The following ADGRG6 variants were observed in gnomAD, a reference collection of about 807,000 sequenced individuals.
ADGRG6 encodes the protein adhesion G protein-coupled receptor G6, also known as G-protein coupled receptor 126.
Under a neutral mutation model 142.4 loss-of-function variants are expected in ADGRG6, and 84 were observed. The observed-to-expected ratio is 0.59, with a 90% CI of 0.49 to 0.71. The LOEUF (loss-of-function observed/expected upper bound fraction) is 0.71. ADGRG6 is among the 30% of genes least tolerant of loss of function. The pLI is 0.00. For synonymous variants in ADGRG6, 521 were observed against 520.5 expected, an observed-to-expected ratio of 1.00 and a Z score of -0.01; for missense variants, 1,367 against 1,466.6, an observed-to-expected ratio of 0.93 and a Z score of 1.11.
At chr6:142,386,160 T>A (rs994194300) in intron 6 of ADGRG6, among the ~76,000 whole-genome samples, 2 of 152,238 alleles carry the variant, frequency 1.3e-5, no homozygotes, top group African/African-American at 4.8e-5. Flanking sequence ...CCTGTTTTTC[T>A]GTGTGAAGTT....
intron 8 of ADGRG6, 62 bp from the exon 9 acceptor site, chr6:142,393,834 T>G (rs1775032008): frequency 9.6e-7 from 1 of 1,037,978 alleles, no homozygotes. Context: ...GGTCCCCAAA[T>G]TTTATTGTTG....
At chr6:142,407,699 T>C (rs1775877382) in intron 15 of ADGRG6, among the ~76,000 whole-genome samples, 1 of 152,208 alleles carries the variant, frequency 6.6e-6, no homozygotes, top group South Asian at 2.1e-4. Flanking sequence ...TTAGTAAACA[T>C]GTCAGGCTGT....
intron 2 of ADGRG6, among the ~76,000 whole-genome samples, chr6:142,330,081 AT>A (rs1044182504): frequency 6.6e-6 from 1 of 151,892 alleles, no homozygotes; most frequent in East Asian, 1.9e-4. Context: ...TGCCACTGCA[AT>A]TTTTTTTAAA....
chr6:142,334,647 A>G (rs1042488979), intron 2 of ADGRG6, among the ~76,000 whole-genome samples: 3 of 152,182 alleles, frequency 2.0e-5, no homozygotes, highest in Admixed American at 2.0e-4. Context: ...GAAGATTGGC[A>G]GGGTTGCAAT....
chr6:142,426,155 C>G (rs1427269350), intron 22 of ADGRG6, among the ~76,000 whole-genome samples: 1 of 152,160 alleles, frequency 6.6e-6, no homozygotes, highest in Non-Finnish European at 1.5e-5. Context: ...AGTCTTAACT[C>G]ATTTCAGCAT....
At chr6:142,337,328 T>G (rs1316757492) in intron 2 of ADGRG6, among the ~76,000 whole-genome samples, 1 of 152,234 alleles carries the variant, frequency 6.6e-6, no homozygotes, top group African/African-American at 2.4e-5. Context: ...TTAAGGATAA[T>G]TTTGTACTGT....
chr6:142,316,800 G>GTTTTTTT (rs970047121), intron 2 of ADGRG6, among the ~76,000 whole-genome samples: 3 of 150,994 alleles, frequency 2.0e-5, no homozygotes, highest in South Asian at 4.2e-4. Context: ...TTACCTTAGT[G>GTTTTTTT]TTTTTTTTTA....
chr6:142,347,900 G>T (rs994370311), intron 2 of ADGRG6, among the ~76,000 whole-genome samples: 1 of 152,100 alleles, frequency 6.6e-6, no homozygotes, highest in Non-Finnish European at 1.5e-5. Context: ...TGATTTCTAT[G>T]TTGGTTATTT....
intron 2 of ADGRG6, among the ~76,000 whole-genome samples, chr6:142,345,190 A>C (rs1483277005): frequency 6.6e-6 from 1 of 152,118 alleles, no homozygotes; most frequent in Non-Finnish European, 1.5e-5. Context: ...TATGTGCTAC[A>C]GATTCACTGA....
intron 4 of ADGRG6, among the ~76,000 whole-genome samples, chr6:142,381,311 CTT>C (rs1781760392): frequency 6.6e-6 from 1 of 152,068 alleles, no homozygotes; most frequent in Non-Finnish European, 1.5e-5. Flanking sequence ...ATACAATATG[CTT>C]TGTTATAAGC....
intron 2 of ADGRG6, among the ~76,000 whole-genome samples, chr6:142,350,446 A>G (rs553218043): frequency 3.3e-5 from 5 of 152,332 alleles, no homozygotes; most frequent in South Asian, 4.1e-4. Context: ...GCTGTTGACA[A>G]TAGAGATCCA....
intron 2 of ADGRG6, among the ~76,000 whole-genome samples, chr6:142,331,585 T>G (rs1201981813): frequency 6.6e-6 from 1 of 152,230 alleles, no homozygotes; most frequent in African/African-American, 2.4e-5. Context: ...CTTTCCTTGA[T>G]GAAAATAGTC....
intron 17 of ADGRG6, 35 bp downstream of exon 17, chr6:142,409,954 T>C: frequency 1.0e-6 from 1 of 996,004 alleles, no homozygotes; most frequent in Non-Finnish European, 1.5e-6. Context: ...TTAATATAGA[T>C]AACAACTGAA....
chr6:142,385,459 A>G (rs567674724), intron 6 of ADGRG6, among the ~76,000 whole-genome samples: 1 of 152,286 alleles, frequency 6.6e-6, no homozygotes, highest in East Asian at 1.9e-4. Flanking sequence ...TGTTATTTTT[A>G]CCATGTCTCT....
chr6:142,364,158 A>G (rs1289626737), intron 2 of ADGRG6, among the ~76,000 whole-genome samples: 1 of 152,138 alleles, frequency 6.6e-6, no homozygotes, highest in East Asian at 1.9e-4. Context: ...AGAGGTGGTA[A>G]TAATTCTCAG....
intron 21 of ADGRG6, among the ~76,000 whole-genome samples, chr6:142,419,046 A>G (rs1187537559): frequency 6.6e-6 from 1 of 152,142 alleles, no homozygotes; most frequent in Non-Finnish European, 1.5e-5. Flanking sequence ...CATGACAACC[A>G]TCTGTATATT....
chr6:142,354,798 A>AT (rs545411549), intron 2 of ADGRG6, among the ~76,000 whole-genome samples: 2 of 152,316 alleles, frequency 1.3e-5, no homozygotes, highest in East Asian at 3.9e-4. Context: ...TTTATTAAAA[A>AT]TTTTTTTGGC....
chr6:142,417,220 G>A (rs765338307), intron 20 of ADGRG6, 53 bp from the exon 21 acceptor site: 8 of 886,922 alleles, frequency 9.0e-6, no homozygotes, highest in Non-Finnish European at 1.5e-5. Flanking sequence ...GCAGTCTTAT[G>A]AAGCAGTTTC....
At position 142,403,665 on chromosome 6, in the gene ADGRG6, A is replaced by T. The variant is rs1018225411; in HGVS notation, c.1956-137A>T. On this transcript the variant is annotated intron_variant, in intron 13 of 24. Transcript: ENST00000367609. ...TATCACTGTGGATTGGGGTAATTTT[A>T]TGGGTGTTCATGTTAAGATCAGAAA... The T allele has an allele frequency of 1.9e-5, 11 of 571,100 alleles. No homozygotes were observed. The African/African-American group carries it at 2.2e-4, about 11-fold the overall frequency. 35.4% of individuals were successfully genotyped at this position (571,100 alleles called of 1,614,324 possible).
Sources: gnomAD v4.1 joint callset for allele counts (sites outside exome capture counted in the v4.1 genomes callset) on GRCh38, gnomAD v4.1.1 for gene constraint, MANE v1.5 for transcripts, NCBI Gene and HGNC (gene_info 2026-07-23, HGNC 2026-07-21) for gene names.